Variants in ZCCHC14 observed in about 807,000 individuals in gnomAD.
The protein encoded by ZCCHC14 is zinc finger CCHC domain-containing protein 14.
ZCCHC14 carries 16 observed loss-of-function variants against 85.0 expected under a neutral mutation model. That is an observed-to-expected ratio of 0.19 (90% CI 0.13 to 0.29). The LOEUF is 0.29. Ranked by LOEUF, ZCCHC14 falls within the 10% of genes least tolerant of loss-of-function variation. ZCCHC14 has a pLI of 1.00. For synonymous variants in ZCCHC14, 775 were observed against 630.7 expected (o/e 1.23, Z -3.43); for missense variants, 1,303 against 1,443.5 (o/e 0.90, Z 1.58).
At chr16:87,477,148 A>G (rs567484343) in intron 1 of ZCCHC14, among the ~76,000 whole-genome samples, 1 of 107,132 alleles carries the variant, frequency 9.3e-6, no homozygotes, top group Non-Finnish European at 1.9e-5. Context: ...AAAACAAAAC[A>G]AAACCAAAAA....
rs1391525837 is a variant in ZCCHC14 at position 87,492,280 on chromosome 16, C to G, written c.-42G>C. 6.1e-6 allele frequency: 6 copies of G among 976,342 alleles called. No homozygotes were observed. In the African/African-American group the frequency reaches 1.1e-4, roughly 17 times the overall value. 60.5% of individuals were successfully genotyped at this position (976,342 alleles called of 1,614,324 possible). On this transcript the variant is annotated 5_prime_UTR_variant, in exon 1 of 13. Coordinates refer to ENST00000671377, the MANE Select transcript of ZCCHC14 (RefSeq NM_015144.3). This position sits in a 1 kb window ranked among gnomAD's most constrained non-coding sequence, Gnocchi z 6.7. ...CGCCGCGACCCGGGGCCGGGGACCG[C>G]GCGGGGGCGGCCGGGGGGCGCCGGG...
rs1908298346 is a variant in ZCCHC14 at position 87,408,451 on chromosome 16, CTCTT to C, written c.*1825_*1828del. 1 of 152,602 alleles carries C rather than the reference CTCTT, an allele frequency of 6.6e-6. No homozygotes were observed. The highest frequency in any genetic ancestry group is 1.5e-5 in the Non-Finnish European group (1 of 68,030). The allele number at this position is 152,602 out of a possible 1,614,324, so 9.5% of individuals were successfully genotyped here. A position where few individuals can be genotyped will look rare whatever the true frequency, so the allele number is the denominator to read the frequency against. Reference sequence around the variant, plus strand: ...TAATATGAGAAGGTCCAGTCTAGTACTCTTTAAGGCAAAGTTGTGTCAGTTCTCA... The same window carrying C: ...TAATATGAGAAGGTCCAGTCTAGTACTAAGGCAAAGTTGTGTCAGTTCTCA... On this transcript the variant is annotated 3_prime_UTR_variant, in exon 13 of 13. Coordinates refer to ENST00000671377, the MANE Select transcript of ZCCHC14 (RefSeq NM_015144.3).
intron 2 of ZCCHC14, among the ~76,000 whole-genome samples, chr16:87,442,011 G>C (rs1433978487): frequency 5.9e-5 from 9 of 152,234 alleles, no homozygotes; most frequent in Admixed American, 5.9e-4. Context: ...CAGCAGAGAG[G>C]GCTAAAGCCC....
intron 1 of ZCCHC14, among the ~76,000 whole-genome samples, chr16:87,483,294 C>A (rs2150777201): frequency 1.1e-5 from 1 of 87,944 alleles, no homozygotes; most frequent in South Asian, 4.5e-4. Context: ...CCCATCTCTA[C>A]TAAAAATACC....
At chr16:87,423,902 C>A in intron 3 of ZCCHC14, 21 bp from the exon 4 acceptor site, 1 of 1,612,824 alleles carries the variant, frequency 6.2e-7, no homozygotes, top group Non-Finnish European at 8.5e-7. Flanking sequence ...AACAAACAAA[C>A]AAACCTTAGA....
Position 87,491,828 on chromosome 16 carries a change from G to A in ZCCHC14, c.411C>T (p.Thr137=), listed in dbSNP as rs143644574. 5 of 1,583,630 alleles carry A rather than the reference G, an allele frequency of 3.2e-6. No individual in the cohort carries two copies. The highest frequency in any genetic ancestry group is 1.4e-5 in the African/African-American group (1 of 71,748). ...TGAAGGCCGGGTGGTTGGAGGCCAT[G>A]GTGAACAGCAGCAGGAACTCATCGC... is the stretch of plus-strand genomic sequence containing the variant. ...RTGDEFLLLF[T]MASNHPAFSF... Residue 137 remains threonine, a synonymous_variant, in exon 1 of 13, where the codon ACC becomes ACT. Coordinates refer to ENST00000671377, the MANE Select transcript of ZCCHC14 (RefSeq NM_015144.3). The surrounding 1 kb of genome is among the most constrained non-coding windows in gnomAD (Gnocchi z 5.9).
chr16:87,481,258 C>T (rs1912254230), intron 1 of ZCCHC14, among the ~76,000 whole-genome samples: 1 of 152,102 alleles, frequency 6.6e-6, no homozygotes, highest in African/African-American at 2.4e-5. Context: ...ACCAATGCTT[C>T]TGAACTATTT....
Position 87,433,145 on chromosome 16 carries a change from C to T in ZCCHC14, c.751G>A (p.Val251Ile). 6.2e-7 allele frequency: 1 copy of T among 1,614,228 alleles called. No homozygotes were observed. Among genetic ancestry groups the T allele is most frequent in the Non-Finnish European group, 8.5e-7 (1 of 1,180,026 alleles). The change falls in exon 3 of 13, where the codon GTT becomes ATT. Residue 251 changes from valine (V) to isoleucine (I), a missense_variant. Transcript: ENST00000671377. Reference sequence around the variant, plus strand: ...CATCTTACCTCAAAGGAACATTCAACATTTCTGTCATTTTTTGTGTGTGAT... The same window carrying T: ...CATCTTACCTCAAAGGAACATTCAATATTTCTGTCATTTTTTGTGTGTGAT... The part of the protein sequence containing the change: ...GLSHTKNDRN[V>I]ECSFEVLWSD...
intron 2 of ZCCHC14, 118 bp from the exon 3 acceptor site, chr16:87,433,319 T>C: frequency 2.1e-6 from 2 of 951,298 alleles, no homozygotes; most frequent in Non-Finnish European, 3.1e-6. Flanking sequence ...AAGGCTGTCC[T>C]GTCACTTTGG....
intron 1 of ZCCHC14, among the ~76,000 whole-genome samples, chr16:87,481,397 A>G (rs1184968125): frequency 1.3e-5 from 2 of 152,056 alleles, no homozygotes; most frequent in East Asian, 1.9e-4. Context: ...GGCTGGGGCC[A>G]TGCTGGTTTC....
At chr16:87,445,980 C>T (rs1167325864) in intron 2 of ZCCHC14, among the ~76,000 whole-genome samples, 3 of 151,972 alleles carry the variant, frequency 2.0e-5, no homozygotes, top group African/African-American at 7.3e-5. Flanking sequence ...CTCCTTACTC[C>T]AAACATCGAC....
intron 12 of ZCCHC14, among the ~76,000 whole-genome samples, chr16:87,411,234 T>C (rs1054025532): frequency 6.6e-6 from 1 of 152,148 alleles, no homozygotes; most frequent in Non-Finnish European, 1.5e-5. Context: ...CGTGCCTCTC[T>C]GGGCTCGAAT....
At chr16:87,467,935 G>A (rs1282523753) in intron 1 of ZCCHC14, among the ~76,000 whole-genome samples, 4 of 152,190 alleles carry the variant, frequency 2.6e-5, no homozygotes, top group Admixed American at 1.3e-4. Context: ...ACAGGCGTGA[G>A]CCACTGCACT....
rs369830578 is a variant in ZCCHC14 at position 87,412,560 on chromosome 16, T to A, written c.2161A>T (p.Met721Leu). The A allele has an allele frequency of 6.2e-7, 1 of 1,614,098 alleles. No individual in the cohort carries two copies. Among genetic ancestry groups the A allele is most frequent in the South Asian group, 1.1e-5 (1 of 91,080 alleles). Residue 721 changes from methionine (M) to leucine (L), a missense_variant, in exon 12 of 13, where the codon ATG (methionine) becomes TTG (leucine). Physicochemically the swap from Met to Leu is conservative, Grantham distance 15 (BLOSUM62 2). Around this residue, in one of 7 missense-constraint regions of ZCCHC14, gnomAD observed 797 missense variants for 730.8 expected, o/e 1.09. Coordinates refer to ENST00000671377, the MANE Select transcript of ZCCHC14 (RefSeq NM_015144.3). ...GGACCAAAGGAGACTGTGGGTGACA[T>A]GGAGCTGCTCTCCGAAAGCCCAGAG... Reference protein sequence around the residue: ...VLSGLSESSSMSPTVSFGPRT... With the variant: ...VLSGLSESSSLSPTVSFGPRT...
intron 2 of ZCCHC14, among the ~76,000 whole-genome samples, chr16:87,435,907 C>A (rs1417581712): frequency 3.3e-5 from 5 of 152,274 alleles, no homozygotes; most frequent in East Asian, 3.8e-4. Context: ...TCCTGCCTGA[C>A]TTCCTCAGTC....
At position 87,423,886 on chromosome 16, in the gene ZCCHC14, AAAACAAAC is replaced by A; in HGVS notation, c.769-13_769-6del. On this transcript the variant is annotated splice_polypyrimidine_tract_variant and splice_region_variant and intron_variant, in intron 3 of 12. Transcript: ENST00000671377. The stretch of plus-strand genomic sequence containing the variant: ...TGAAGAATCAGACCACAAGACCTTA[AAAACAAAC>A]AAACAAACAAACCTTAGAAACAGAC... 8.7e-6 allele frequency: 14 copies of A among 1,612,992 alleles called. No homozygotes were observed. Among genetic ancestry groups the A allele is most frequent in the Non-Finnish European group, 1.2e-5 (14 of 1,179,184 alleles).
intron 3 of ZCCHC14, among the ~76,000 whole-genome samples, chr16:87,430,827 T>G (rs1054713312): frequency 3.3e-5 from 5 of 152,040 alleles, no homozygotes; most frequent in African/African-American, 1.2e-4. Context: ...CCGCTAACTT[T>G]CAGAATCAAC....
intron 6 of ZCCHC14, among the ~76,000 whole-genome samples, chr16:87,419,438 C>A (rs975545357): frequency 6.6e-6 from 1 of 152,196 alleles, no homozygotes; most frequent in Non-Finnish European, 1.5e-5. Flanking sequence ...GTAGCGGGGA[C>A]TGCAGGCATG....
intron 1 of ZCCHC14, among the ~76,000 whole-genome samples, chr16:87,478,514 A>C (rs1313021969): frequency 6.6e-6 from 1 of 151,976 alleles, no homozygotes; most frequent in Non-Finnish European, 1.5e-5. Flanking sequence ...AAGTTCTGTG[A>C]GTATCTATTT....
Sources: gnomAD v4.1 joint callset for allele counts (sites outside exome capture counted in the v4.1 genomes callset) on GRCh38, gnomAD v4.1.1 for gene constraint, gnomAD v4.1.1 regional missense constraint, Gnocchi (gnomAD v3.1) non-coding constraint, MANE v1.5 for transcripts, NCBI Gene and HGNC (gene_info 2026-07-23, HGNC 2026-07-21) for gene names.